GPHN: variants seen among roughly 807,000 people sequenced by gnomAD.
The protein encoded by GPHN is gephyrin.
GPHN carries 17 observed loss-of-function variants against 95.5 expected under a neutral mutation model. The ratio of observed to expected loss-of-function variants is 0.18; its 90% CI spans 0.12 to 0.27. The LOEUF (loss-of-function observed/expected upper bound fraction) is 0.27, where lower values mean the gene tolerates loss of function less well. Ranked by LOEUF, GPHN falls within the 10% of genes least tolerant of loss-of-function variation. The pLI is 1.00. For missense variants in GPHN, 660 were observed against 978.1 expected (o/e 0.67, Z 4.34); for synonymous variants, 320 against 322.5 (o/e 0.99, Z 0.08).
At position 66,763,789 on chromosome 14, in the gene GPHN, G is replaced by A. The variant is rs566963263; in HGVS notation, c.144-12675G>A. Among the ~76,000 whole-genome samples, 377 of 152,168 alleles carry A rather than the reference G, an allele frequency of 2.5e-3. 4 individuals are homozygous for A. The highest frequency in any genetic ancestry group is 8.5e-3 in the African/African-American group (352 of 41,522). On this transcript the variant is annotated intron_variant, in intron 2 of 22. Coordinates refer to ENST00000478722, the MANE Select transcript of GPHN (RefSeq NM_020806.5). ...CCAGGTCACACAGCAGGACGTGAGC[G>A]GCAGACGTGAGCAAAACTTCATCTG... is the stretch of plus-strand genomic sequence containing the variant.
At chr14:66,684,829 C>A (rs538256922) in intron 2 of GPHN, among the ~76,000 whole-genome samples, 1 of 151,930 alleles carries the variant, frequency 6.6e-6, no homozygotes, top group East Asian at 1.9e-4. Flanking sequence ...TGTACATGTG[C>A]CATGTTGGTG....
intron 4 of GPHN, among the ~76,000 whole-genome samples, chr14:66,859,499 G>C (rs1392807591): frequency 6.6e-6 from 1 of 152,190 alleles, no homozygotes; most frequent in South Asian, 2.1e-4. Flanking sequence ...CTTTCTGAGA[G>C]AGACAGGTGC....
At chr14:67,133,015 CTTCT>C (rs1433975960) in intron 17 of GPHN, among the ~76,000 whole-genome samples, 1 of 151,990 alleles carries the variant, frequency 6.6e-6, no homozygotes, top group African/African-American at 2.4e-5. Flanking sequence ...ACCATGCTTT[CTTCT>C]TTCTTTACAT....
chr14:67,170,653 C>G (rs1280080972), intron 21 of GPHN, among the ~76,000 whole-genome samples: 1 of 152,142 alleles, frequency 6.6e-6, no homozygotes, highest in Non-Finnish European at 1.5e-5. Flanking sequence ...TGTCCATTTC[C>G]TGTCAGCAAA....
intron 17 of GPHN, among the ~76,000 whole-genome samples, chr14:67,142,699 C>T (rs1409449908): frequency 6.6e-6 from 1 of 152,152 alleles, no homozygotes; most frequent in Non-Finnish European, 1.5e-5. Context: ...ATTAGATAAA[C>T]TCCAAATTCA....
At chr14:66,524,174 T>C (rs1269378113) in intron 1 of GPHN, among the ~76,000 whole-genome samples, 1 of 152,128 alleles carries the variant, frequency 6.6e-6, no homozygotes, top group Non-Finnish European at 1.5e-5. Flanking sequence ...AAAGTTAAAG[T>C]ACCCTAGTTA....
chr14:67,607,727 T>A, the GPHN span, among the ~76,000 whole-genome samples: 19 of 152,170 alleles, frequency 1.2e-4, no homozygotes, highest in Admixed American at 3.3e-4. Context: ...AGTTGAGCAC[T>A]CTTGGGAGGA....
At chr14:67,498,958 T>A in the GPHN span, among the ~76,000 whole-genome samples, 1 of 132,172 alleles carries the variant, frequency 7.6e-6, no homozygotes, top group African/African-American at 2.6e-5. Context: ...CAGGAGCCAC[T>A]GAGCCCAGAC....
Position 66,810,391 on chromosome 14 carries a change from A to C in GPHN, c.202-14083A>C, listed in dbSNP as rs141181493. Among the ~76,000 whole-genome samples, 381 of 151,812 alleles carry C rather than the reference A, an allele frequency of 2.5e-3. 9 individuals carry two copies. Among genetic ancestry groups the C allele is most frequent in the East Asian group, 0.018 (91 of 5,180 alleles). ...TTTGTTAAAGATTTTTAAAGTATTAATAGAATTTAATTAATTACATAATAT... is the reference window on the plus strand; with the variant it reads ...TTTGTTAAAGATTTTTAAAGTATTACTAGAATTTAATTAATTACATAATAT... On this transcript the variant is annotated intron_variant, in intron 3 of 22. Coordinates refer to ENST00000478722, the MANE Select transcript of GPHN (RefSeq NM_020806.5).
intron 8 of GPHN, among the ~76,000 whole-genome samples, chr14:66,953,452 C>A (rs1384470532): frequency 6.6e-6 from 1 of 152,076 alleles, no homozygotes; most frequent in Non-Finnish European, 1.5e-5. Context: ...GATAGTTGAG[C>A]TCTTATAATA....
chr14:67,395,270 G>A, the GPHN span: 1 of 711,408 alleles, frequency 1.4e-6, no homozygotes, highest in South Asian at 1.8e-5. Context: ...AACAGCTGAA[G>A]GCCCTGAAGC....
the GPHN span, among the ~76,000 whole-genome samples, chr14:67,267,297 C>A: frequency 6.6e-6 from 1 of 151,984 alleles, no homozygotes; most frequent in African/African-American, 2.4e-5. Flanking sequence ...TCACTCTTGT[C>A]GCCCAGGCTG....
chr14:66,896,150 CTT>C (rs2064838254), intron 5 of GPHN, among the ~76,000 whole-genome samples: 1 of 152,100 alleles, frequency 6.6e-6, no homozygotes, highest in African/African-American at 2.4e-5. Context: ...GTCCTCAACA[CTT>C]TATACTATTG....
the GPHN span, chr14:67,570,838 C>G: frequency 6.6e-6 from 1 of 152,274 alleles, no homozygotes; most frequent in Non-Finnish European, 1.5e-5. Flanking sequence ...ATTCTCCTGC[C>G]TCAGCCTCCT....
intron 2 of GPHN, among the ~76,000 whole-genome samples, chr14:66,748,306 TAAC>T (rs1183809601): frequency 6.6e-6 from 1 of 152,086 alleles, no homozygotes; most frequent in African/African-American, 2.4e-5. Context: ...GGAATTATAA[TAAC>T]ATACTTTTAA....
At chr14:67,100,133 T>G (rs1207228795) in intron 12 of GPHN, among the ~76,000 whole-genome samples, 4 of 152,216 alleles carry the variant, frequency 2.6e-5, no homozygotes, top group Non-Finnish European at 5.9e-5. Flanking sequence ...GATGCAGTAC[T>G]GCCTATGTAT....
the GPHN span, among the ~76,000 whole-genome samples, chr14:67,641,831 A>G: frequency 2.6e-5 from 4 of 152,192 alleles, no homozygotes; most frequent in African/African-American, 9.6e-5. Context: ...TGCTAAATTA[A>G]TAGTACTTAA....
At chr14:67,191,835 G>A in the GPHN span, among the ~76,000 whole-genome samples, 2 of 152,176 alleles carry the variant, frequency 1.3e-5, no homozygotes, top group Non-Finnish European at 2.9e-5. Flanking sequence ...GATTTAATAA[G>A]GAATCTCTCT....
intron 1 of GPHN, among the ~76,000 whole-genome samples, chr14:66,575,882 T>G (rs754769627): frequency 6.6e-6 from 1 of 152,106 alleles, no homozygotes; most frequent in African/African-American, 2.4e-5. Context: ...GTCTAGAGTC[T>G]GAATCCATGG....
Sources: gnomAD v4.1 joint callset for allele counts (sites outside exome capture counted in the v4.1 genomes callset) on GRCh38, gnomAD v4.1.1 for gene constraint, MANE v1.5 for transcripts, NCBI Gene and HGNC (gene_info 2026-07-23, HGNC 2026-07-21) for gene names.